ZNF93: variants seen among roughly 807,000 people sequenced by gnomAD.
ZNF93 encodes the protein zinc finger protein 505.
Under a neutral mutation model 45.0 loss-of-function variants are expected in ZNF93, and 29 were observed. The observed-to-expected ratio is 0.64, with a 90% CI of 0.48 to 0.88. ZNF93 has a LOEUF of 0.88. ZNF93 is among the 40% of genes least tolerant of loss of function. ZNF93 has a pLI of 0.00. For missense variants in ZNF93, 578 were observed against 724.0 expected (o/e 0.80, Z 2.31); for synonymous variants, 223 against 244.6 (o/e 0.91, Z 0.82).
intron 3 of ZNF93, 106 bp from the exon 4 acceptor site, chr19:19,933,074 CTA>C: frequency 1.1e-6 from 1 of 872,754 alleles, no homozygotes; most frequent in Non-Finnish European, 1.6e-6. Context: ...TGGTATTTTA[CTA>C]TGTCATCTTA....
At position 19,912,939 on chromosome 19, in the gene ZNF93, G is replaced by A. The variant is rs562531864; in HGVS notation, c.4-2341G>A. Among the ~76,000 whole-genome samples, 4 of 152,300 alleles carry A rather than the reference G, an allele frequency of 2.6e-5. No individual in the cohort carries two copies. In the South Asian group the frequency reaches 8.3e-4, roughly 32 times the overall value. ...TCTTTTTAAAATACAGACTTATTCA[G>A]ATATTGCTGTCTTCTGTTTCCTCTG... On this transcript the variant is annotated intron_variant, in intron 1 of 3. Coordinates refer to ENST00000343769, the MANE Select transcript of ZNF93 (RefSeq NM_031218.4).
At chr19:19,923,303 C>T (rs183050367) in intron 3 of ZNF93, among the ~76,000 whole-genome samples, 2 of 152,132 alleles carry the variant, frequency 1.3e-5, no homozygotes, top group African/African-American at 4.8e-5. Context: ...CTGGAAGTTT[C>T]ATCTCAGAGG....
intron 3 of ZNF93, among the ~76,000 whole-genome samples, chr19:19,923,478 T>C (rs2063347499): frequency 6.6e-6 from 1 of 152,084 alleles, no homozygotes; most frequent in Non-Finnish European, 1.5e-5. Flanking sequence ...CAGAGGTTTC[T>C]CCTGCAATTT....
intron 3 of ZNF93, among the ~76,000 whole-genome samples, chr19:19,928,965 GT>G (rs1294218113): frequency 6.6e-6 from 1 of 152,178 alleles, no homozygotes; most frequent in African/African-American, 2.4e-5. Flanking sequence ...GGATGTCTAT[GT>G]TGTCCAAATC....
intron 3 of ZNF93, among the ~76,000 whole-genome samples, chr19:19,921,135 T>C (rs1318142767): frequency 1.3e-5 from 2 of 151,856 alleles, no homozygotes; most frequent in Admixed American, 6.6e-5. Flanking sequence ...GATTCTGGTA[T>C]GTTTTGTCTT....
chr19:19,933,009 T>G, intron 3 of ZNF93, 173 bp from the exon 4 acceptor site: 3 of 465,024 alleles, frequency 6.5e-6, no homozygotes, highest in Non-Finnish European at 6.9e-6. Context: ...ATTTGTGCCA[T>G]TTTGGTTTGT....
chr19:19,908,002 A>G (rs1356014749), intron 1 of ZNF93, among the ~76,000 whole-genome samples: 9 of 152,238 alleles, frequency 5.9e-5, no homozygotes, highest in Non-Finnish European at 1.3e-4. Context: ...TAAAATATTC[A>G]TACTTATTTA....
intron 3 of ZNF93, among the ~76,000 whole-genome samples, chr19:19,917,983 T>C (rs1407370677): frequency 6.6e-6 from 1 of 151,846 alleles, no homozygotes; most frequent in Non-Finnish European, 1.5e-5. Context: ...TAAGTCCTAG[T>C]GTAGATGTGC....
intron 3 of ZNF93, among the ~76,000 whole-genome samples, chr19:19,917,975 A>C (rs973728305): frequency 6.7e-6 from 1 of 149,588 alleles, no homozygotes; most frequent in African/African-American, 2.5e-5. Context: ...TTATACTTTA[A>C]GTCCTAGTGT....
chr19:19,906,258 G>A (rs1009334066), intron 1 of ZNF93, among the ~76,000 whole-genome samples: 10 of 151,646 alleles, frequency 6.6e-5, no homozygotes, highest in African/African-American at 1.7e-4. Flanking sequence ...TCTCATTGTG[G>A]TTTTTCTTTA....
intron 2 of ZNF93, among the ~76,000 whole-genome samples, chr19:19,916,318 G>A (rs1201750749): frequency 6.6e-6 from 1 of 152,038 alleles, no homozygotes; most frequent in Non-Finnish European, 1.5e-5. Flanking sequence ...GCCCGCCTTG[G>A]CCTCCCCCTG....
intron 1 of ZNF93, among the ~76,000 whole-genome samples, chr19:19,906,105 C>T (rs1167409066): frequency 5.3e-5 from 8 of 152,184 alleles, no homozygotes; most frequent in Admixed American, 5.2e-4. Flanking sequence ...GGAATCGCCA[C>T]ACTGCTTTTT....
intron 3 of ZNF93, among the ~76,000 whole-genome samples, chr19:19,921,029 A>G (rs1424105168): frequency 6.6e-6 from 1 of 151,458 alleles, no homozygotes; most frequent in Non-Finnish European, 1.5e-5. Context: ...TTTAATTGTG[A>G]TGTTAGGGTG....
chr19:19,915,023 A>G (rs2063319300), intron 1 of ZNF93, among the ~76,000 whole-genome samples: 1 of 152,226 alleles, frequency 6.6e-6, no homozygotes, highest in Non-Finnish European at 1.5e-5. Flanking sequence ...GTACATGTTC[A>G]TGTTCATGCC....
chr19:19,915,413 A>C lies in ZNF93; in HGVS notation c.130+7A>C, dbSNP rs762751181. 4.8e-5 allele frequency: 77 copies of C among 1,611,736 alleles called. No individual in the cohort carries two copies. The highest frequency in any genetic ancestry group is 6.1e-5 in the Non-Finnish European group (72 of 1,179,144). The stretch of plus-strand genomic sequence containing the variant: ...AGTAACCTGGTCTTCCTTGGTGAGG[A>C]TAACTTTAATACATAATTCATAATA... On this transcript the variant is annotated splice_region_variant and intron_variant, in intron 2 of 3. Coordinates refer to ENST00000343769, the MANE Select transcript of ZNF93 (RefSeq NM_031218.4).
intron 3 of ZNF93, chr19:19,932,769 G>A (rs2063378668): frequency 6.5e-6 from 1 of 153,142 alleles, no homozygotes; most frequent in South Asian, 2.1e-4. Flanking sequence ...AAATGGTATT[G>A]CCTGTAACAT....
chr19:19,931,984 T>C, intron 3 of ZNF93: 1 of 388,390 alleles, frequency 2.6e-6, no homozygotes, highest in Non-Finnish European at 5.0e-6. Flanking sequence ...GATATAAAAA[T>C]TATTTTATAT....
At chr19:19,910,003 C>T (rs2063303247) in intron 1 of ZNF93, among the ~76,000 whole-genome samples, 1 of 152,206 alleles carries the variant, frequency 6.6e-6, no homozygotes, top group Admixed American at 6.5e-5. Flanking sequence ...ACTCTTGTAT[C>T]TTCAGATTTG....
At chr19:19,915,728 G>T (rs962706369) in intron 2 of ZNF93, among the ~76,000 whole-genome samples, 47 of 152,246 alleles carry the variant, frequency 3.1e-4, no homozygotes, top group Admixed American at 5.9e-4. Flanking sequence ...TGTAATCCCA[G>T]CTACTTGGGA....
Sources: allele counts gnomAD v4.1 joint callset (sites outside exome capture counted in the v4.1 genomes callset), GRCh38; gene constraint gnomAD v4.1.1; transcripts MANE v1.5; gene names NCBI Gene and HGNC (gene_info 2026-07-23, HGNC 2026-07-21).